RAPGEF4: variants seen among roughly 807,000 people sequenced by gnomAD.
RAPGEF4 encodes Rap guanine nucleotide exchange factor 4.
RAPGEF4 carries 66 observed loss-of-function variants against 147.9 expected under a neutral mutation model. The observed-to-expected ratio is 0.45, with a 90% confidence interval of 0.37 to 0.55. The LOEUF (loss-of-function observed/expected upper bound fraction) is 0.55, where lower values mean the gene tolerates loss of function less well. Ranked by LOEUF, RAPGEF4 falls within the 20% of genes least tolerant of loss-of-function variation. The pLI is 0.00. For synonymous variants in RAPGEF4, 419 were observed against 442.7 expected, an observed-to-expected ratio of 0.95 and a Z score of 0.67; for missense variants, 1,071 against 1,257.3, an observed-to-expected ratio of 0.85 and a Z score of 2.24.
chr2:173,037,127 A>G (rs1684124726), intron 29 of RAPGEF4, among the ~76,000 whole-genome samples: 2 of 152,246 alleles, frequency 1.3e-5, no homozygotes, highest in South Asian at 2.1e-4. Flanking sequence ...CTAAATGTGT[A>G]CTGCTTACCC....
At chr2:172,885,344 G>A (rs561259295) in intron 4 of RAPGEF4, among the ~76,000 whole-genome samples, 2 of 152,244 alleles carry the variant, frequency 1.3e-5, no homozygotes, top group African/African-American at 4.8e-5. Flanking sequence ...TCCTGAGATT[G>A]CCTCCCAAGA....
intron 6 of RAPGEF4, among the ~76,000 whole-genome samples, chr2:172,931,952 C>T (rs947150201): frequency 1.3e-5 from 2 of 152,034 alleles, no homozygotes; most frequent in East Asian, 1.9e-4. Flanking sequence ...CCCCTTCCCG[C>T]CACTCCTCAC....
At chr2:172,771,912 GA>G (rs920811190) in intron 1 of RAPGEF4, among the ~76,000 whole-genome samples, 1 of 152,126 alleles carries the variant, frequency 6.6e-6, no homozygotes, top group African/African-American at 2.4e-5. Flanking sequence ...GTTGCTCAAG[GA>G]AAAATAAAAA....
At chr2:173,018,107 G>A (rs906066778) in intron 21 of RAPGEF4, among the ~76,000 whole-genome samples, 1 of 152,170 alleles carries the variant, frequency 6.6e-6, no homozygotes, top group Non-Finnish European at 1.5e-5. Flanking sequence ...GGATTTTTGT[G>A]TTCAGAGTTG....
At chr2:172,750,310 T>C (rs1370586745) in intron 1 of RAPGEF4, among the ~76,000 whole-genome samples, 1 of 152,040 alleles carries the variant, frequency 6.6e-6, no homozygotes, top group Non-Finnish European at 1.5e-5. Context: ...GACTCACAAT[T>C]CCACGTGGCT....
intron 4 of RAPGEF4, among the ~76,000 whole-genome samples, chr2:172,913,119 C>A (rs546671921): frequency 6.6e-6 from 1 of 152,192 alleles, no homozygotes; most frequent in Non-Finnish European, 1.5e-5. Context: ...TGGTCTTGAA[C>A]TCCTGACCTC....
At chr2:172,917,939 CA>C in intron 5 of RAPGEF4, 65 bp downstream of exon 5, 2 of 1,344,856 alleles carry the variant, frequency 1.5e-6, no homozygotes, top group Non-Finnish European at 2.1e-6. Flanking sequence ...TTTCATGTGA[CA>C]AAAAATATGT....
At chr2:172,894,486 T>G (rs1209066593) in intron 4 of RAPGEF4, 5 of 152,234 alleles carry the variant, frequency 3.3e-5, no homozygotes, top group Admixed American at 2.6e-4. Flanking sequence ...CACTTTTCTT[T>G]CTGATTTCCT....
rs546091763 is a variant in RAPGEF4, at chr2:172,889,621, G to GTA, written c.445-28173_445-28172dup. 4.4e-3 allele frequency among the ~76,000 whole-genome samples: 663 copies of GTA among 151,208 alleles called. 3 individuals are homozygous for GTA. Among genetic ancestry groups the GTA allele is most frequent in the African/African-American group, 0.015 (632 of 41,150 alleles). On this transcript the variant is annotated intron_variant, in intron 4 of 30. Coordinates refer to ENST00000397081, the MANE Select transcript of RAPGEF4 (RefSeq NM_007023.4). Reference sequence around the variant, plus strand: ...GGACAGGCTTTAATCAAATATATATGTATATATATGTATATATACATATAT... The same window carrying GTA: ...GGACAGGCTTTAATCAAATATATATGTATATATATATGTATATATACATATAT...
intron 1 of RAPGEF4, among the ~76,000 whole-genome samples, chr2:172,759,966 C>T (rs993134107): frequency 6.6e-6 from 1 of 152,196 alleles, no homozygotes; most frequent in Admixed American, 6.5e-5. Flanking sequence ...GTGGTGAATT[C>T]CTTGAATTTT....
chr2:172,829,519 C>T (rs935825215), intron 4 of RAPGEF4, among the ~76,000 whole-genome samples: 1 of 152,176 alleles, frequency 6.6e-6, no homozygotes, highest in Non-Finnish European at 1.5e-5. Flanking sequence ...AGGCGGGTCT[C>T]TGTATGTGAA....
At chr2:172,882,212 T>C (rs552477386) in intron 4 of RAPGEF4, among the ~76,000 whole-genome samples, 1 of 152,340 alleles carries the variant, frequency 6.6e-6, no homozygotes, top group South Asian at 2.1e-4. Context: ...TTACTCAATT[T>C]GAAATGTATC....
chr2:172,840,106 G>T (rs955541634), intron 4 of RAPGEF4, among the ~76,000 whole-genome samples: 9 of 152,152 alleles, frequency 5.9e-5, no homozygotes, highest in African/African-American at 2.2e-4. Context: ...CTTTGAGCAT[G>T]TGACGAATTA....
intron 1 of RAPGEF4, among the ~76,000 whole-genome samples, chr2:172,771,020 A>C (rs1405925238): frequency 6.6e-6 from 1 of 152,180 alleles, no homozygotes; most frequent in Non-Finnish European, 1.5e-5. Context: ...CCCTTGTCTT[A>C]GTCTGTTCAG....
In RAPGEF4 at chr2:172,750,795, A is replaced by C. The variant is rs546467178; in HGVS notation, c.65+14747A>C. On this transcript the variant is annotated intron_variant, in intron 1 of 30. Transcript: ENST00000397081. ...CCATTTGTTTGTCTTCTTTGGAAAT[A>C]TGTCTATTCAGGTGTTTTGCCTGTT... Among the ~76,000 whole-genome samples the C allele has an allele frequency of 2.6e-5, 4 of 152,272 alleles. No homozygotes were observed. In the South Asian group the frequency reaches 8.3e-4, roughly 32 times the overall value.
chr2:172,956,349 T>A (rs533391621), intron 6 of RAPGEF4, among the ~76,000 whole-genome samples: 27 of 152,324 alleles, frequency 1.8e-4, no homozygotes, highest in African/African-American at 6.5e-4. Context: ...GTAAATACAA[T>A]GAATGGTTTC....
At chr2:172,967,688 C>A (rs558912914) in intron 10 of RAPGEF4, among the ~76,000 whole-genome samples, 2 of 152,150 alleles carry the variant, frequency 1.3e-5, no homozygotes, top group African/African-American at 4.8e-5. Flanking sequence ...TAGTTGGCTC[C>A]GGCTGTCAAA....
At chr2:172,980,451 A>G (rs1215445124) in intron 10 of RAPGEF4, among the ~76,000 whole-genome samples, 2 of 152,094 alleles carry the variant, frequency 1.3e-5, no homozygotes, top group African/African-American at 4.8e-5. Context: ...GCTGAACACA[A>G]TACAAGGGAT....
chr2:172,931,868 CAT>C (rs1292464496), intron 6 of RAPGEF4, among the ~76,000 whole-genome samples: 2 of 152,056 alleles, frequency 1.3e-5, no homozygotes, highest in African/African-American at 4.8e-5. Context: ...GGATTTGTAA[CAT>C]AGATGCGTAA....
Sources: allele counts gnomAD v4.1 joint callset (sites outside exome capture counted in the v4.1 genomes callset), GRCh38; gene constraint gnomAD v4.1.1; transcripts MANE v1.5; gene names NCBI Gene and HGNC (gene_info 2026-07-23, HGNC 2026-07-21).